PHKB: variants seen among roughly 807,000 people sequenced by gnomAD.
The protein encoded by PHKB is phosphorylase kinase regulatory subunit beta, also known as phosphorylase b kinase regulatory subunit beta.
In PHKB, 122 loss-of-function variants were observed where a neutral mutation model predicts 152.1. The observed-to-expected ratio is 0.80, with a 90% confidence interval of 0.69 to 0.93. The LOEUF (loss-of-function observed/expected upper bound fraction) is 0.93, where lower values mean the gene tolerates loss of function less well. Among genes scored for constraint, PHKB ranks in the 40% least tolerant of loss-of-function variants. The probability of loss-of-function intolerance (pLI) is 0.00; values close to 1 mark genes in which losing one functional copy is unlikely to be tolerated. For missense variants in PHKB, 1,304 were observed against 1,328.4 expected (o/e 0.98, Z 0.29); for synonymous variants, 436 against 464.9 (o/e 0.94, Z 0.80).
At chr16:47,575,438 T>TA (rs1394870779) in intron 7 of PHKB, among the ~76,000 whole-genome samples, 1 of 152,252 alleles carries the variant, frequency 6.6e-6, no homozygotes, top group African/African-American at 2.4e-5. Flanking sequence ...ATTGCAAAGA[T>TA]ATGAATCAAC....
intron 6 of PHKB, among the ~76,000 whole-genome samples, chr16:47,525,161 C>T (rs911233407): frequency 3.3e-5 from 5 of 152,072 alleles, no homozygotes; most frequent in African/African-American, 4.8e-5. Context: ...GTATTGCATA[C>T]GGTTCACTTG....
Position 47,503,047 on chromosome 16 carries a change from G to A in PHKB, c.362G>A (p.Cys121Tyr). The change falls in exon 4 of 31, where the codon TGC (cysteine) becomes TAC (tyrosine). Residue 121 changes from cysteine to tyrosine, a missense_variant. Cys to Tyr is a radical substitution (Grantham distance 194). Coordinates refer to ENST00000323584, the MANE Select transcript of PHKB (RefSeq NM_000293.3). ...THELEHSAIK[C>Y]MRGILYCYMR... ...GAGCTGGAGCACTCAGCTATAAAAT[G>A]CATGAGAGGAATTCTCTACTGCTAT... 1 of 1,613,494 alleles carries A rather than the reference G, an allele frequency of 6.2e-7. No individual in the cohort carries two copies. The highest frequency in any genetic ancestry group is 8.5e-7 in the Non-Finnish European group (1 of 1,179,416).
intron 26 of PHKB, among the ~76,000 whole-genome samples, 192 bp from the exon 27 acceptor site, chr16:47,688,849 C>T (rs1463407251): frequency 1.3e-5 from 2 of 152,134 alleles, no homozygotes; most frequent in Middle Eastern, 3.4e-3. Flanking sequence ...AAGGGCAGGC[C>T]TCATTTTTAA....
chr16:47,546,334 T>C (rs761070141), intron 6 of PHKB, among the ~76,000 whole-genome samples: 6 of 152,180 alleles, frequency 3.9e-5, no homozygotes, highest in Non-Finnish European at 8.8e-5. Flanking sequence ...GTTTTCCTTC[T>C]AACAGGCCCC....
At position 47,610,906 on chromosome 16, in the gene PHKB, A is replaced by G; in HGVS notation, c.1444A>G (p.Arg482Gly). 1 of 1,578,040 alleles carries G rather than the reference A, an allele frequency of 6.3e-7. No individual in the cohort carries two copies. The highest frequency in any genetic ancestry group is 8.7e-7 in the Non-Finnish European group (1 of 1,147,030). ...AAAGGATCAACGTAACGTGAGCATG[A>G]GGTTTTCCAATCAGGTAAAGAATTA... ...PLKDQRNVSM[R>G]FSNQGPLEND... Residue 482 changes from arginine to glycine, a missense_variant, in exon 14 of 31, where the codon AGG becomes GGG. Physicochemically the swap from Arg to Gly is moderately radical, Grantham distance 125 (BLOSUM62 -2). Transcript: ENST00000323584.
chr16:47,585,587 C>T (rs1168726953), intron 8 of PHKB, among the ~76,000 whole-genome samples: 6 of 152,104 alleles, frequency 3.9e-5, no homozygotes, highest in Non-Finnish European at 7.4e-5. Context: ...AAATCTGGAC[C>T]GTAATGCCTA....
chr16:47,491,750 CAG>C (rs778430965), intron 1 of PHKB, among the ~76,000 whole-genome samples: 6 of 152,144 alleles, frequency 3.9e-5, no homozygotes, highest in Non-Finnish European at 8.8e-5. Flanking sequence ...CAATGCAAAA[CAG>C]AACAGAACCC....
At chr16:47,508,352 G>A (rs1970455009) in intron 4 of PHKB, among the ~76,000 whole-genome samples, 1 of 152,100 alleles carries the variant, frequency 6.6e-6, no homozygotes, top group African/African-American at 2.4e-5. Flanking sequence ...GGCATTCAGA[G>A]TTTTTCAGAG....
chr16:47,482,123 C>G (rs187975451), intron 1 of PHKB, among the ~76,000 whole-genome samples: 5 of 152,194 alleles, frequency 3.3e-5, no homozygotes, highest in Non-Finnish European at 5.9e-5. Flanking sequence ...GGTCAGTTAA[C>G]GATTATACTA....
intron 10 of PHKB, 82 bp from the exon 11 acceptor site, chr16:47,593,418 C>CCA: frequency 1.3e-6 from 1 of 794,368 alleles, no homozygotes; most frequent in Non-Finnish European, 2.1e-6. Flanking sequence ...CCAGCCTGGG[C>CCA]CACAGAGTGA....
intron 27 of PHKB, among the ~76,000 whole-genome samples, chr16:47,692,779 C>G: frequency 6.6e-6 from 1 of 152,072 alleles, no homozygotes; most frequent in East Asian, 1.9e-4. Flanking sequence ...TGGTGTATCA[C>G]TACATTCTGT....
intron 25 of PHKB, among the ~76,000 whole-genome samples, chr16:47,668,642 C>A (rs1973581651): frequency 6.6e-6 from 1 of 152,110 alleles, no homozygotes; most frequent in African/African-American, 2.4e-5. Context: ...CCTGTTCCTT[C>A]CCCTCCACAG....
rs1043960499 is a variant in PHKB at position 47,473,218 on chromosome 16, ATTTT to A, written c.76+11823_76+11826del. ...AGGTGTGCACTACCATGCCTGGCTA[ATTTT>A]TTTTTTTTTTTTTTTTTTTTTTTTT... On this transcript the variant is annotated intron_variant, in intron 1 of 30. Coordinates refer to ENST00000323584, the MANE Select transcript of PHKB (RefSeq NM_000293.3). Among the ~76,000 whole-genome samples the A allele has an allele frequency of 4.5e-4, 22 of 48,758 alleles. No individual in the cohort carries two copies. In the East Asian group the frequency reaches 4.6e-3, roughly 10 times the overall value. 32.0% of individuals were successfully genotyped at this position (48,758 alleles called of 152,430 possible).
chr16:47,515,415 AT>A, intron 5 of PHKB, 105 bp from the exon 6 acceptor site: 1 of 710,150 alleles, frequency 1.4e-6, no homozygotes, highest in South Asian at 1.5e-5. Flanking sequence ...AAATAGTTTT[AT>A]GACACTATTA....
chr16:47,620,892 A>T (rs750715042), intron 14 of PHKB, among the ~76,000 whole-genome samples: 23 of 151,872 alleles, frequency 1.5e-4, no homozygotes, highest in Admixed American at 4.6e-4. Context: ...AAAAAATATA[A>T]AAAAAAAGAG....
chr16:47,631,383 A>AAT (rs1263277691), intron 14 of PHKB, among the ~76,000 whole-genome samples: 14 of 152,332 alleles, frequency 9.2e-5, no homozygotes, highest in Middle Eastern at 6.8e-3. Context: ...AAAGCTCTTG[A>AAT]ATAACACGTG....
Position 47,664,985 on chromosome 16 carries a change from A to C in PHKB, c.2427+10A>C. ...GGTACATGGGAAACAGGTAACATGC[A>C]CAGAATTTGAAAACCCAAGCTGCTT... On this transcript the variant is annotated intron_variant, in intron 25 of 30. Coordinates refer to ENST00000323584, the MANE Select transcript of PHKB (RefSeq NM_000293.3). The C allele has an allele frequency of 5.7e-6, 9 of 1,576,338 alleles. No individual in the cohort carries two copies. Among genetic ancestry groups the C allele is most frequent in the Non-Finnish European group, 7.9e-6 (9 of 1,145,584 alleles).
chr16:47,598,240 A>C (rs1231288019), intron 13 of PHKB, among the ~76,000 whole-genome samples: 1 of 152,168 alleles, frequency 6.6e-6, no homozygotes, highest in East Asian at 1.9e-4. Context: ...TATTTACCTC[A>C]AACAGTGATC....
chr16:47,666,003 A>G (rs753015985), intron 25 of PHKB: 7 of 1,613,742 alleles, frequency 4.3e-6, no homozygotes, highest in South Asian at 2.2e-5. Context: ...GGCCCCATCC[A>G]TTACTAATGT....
Sources: gnomAD v4.1 joint callset for allele counts (sites outside exome capture counted in the v4.1 genomes callset) on GRCh38, gnomAD v4.1.1 for gene constraint, MANE v1.5 for transcripts, NCBI Gene and HGNC (gene_info 2026-07-23, HGNC 2026-07-21) for gene names.